The following PHF19 variants were observed in gnomAD, a reference collection of about 807,000 sequenced individuals.
PHF19 encodes the protein PHD finger protein 19.
Under a neutral mutation model 79.8 loss-of-function variants are expected in PHF19, and 21 were observed. That is an observed-to-expected ratio of 0.26 (90% CI 0.19 to 0.38). PHF19 has a LOEUF of 0.38. Among genes scored for constraint, PHF19 ranks in the 10% least tolerant of loss-of-function variants. PHF19 has a pLI of 1.00. For missense variants in PHF19, 445 were observed against 744.2 expected, an observed-to-expected ratio of 0.60 and a Z score of 4.68; for synonymous variants, 273 against 296.3, an observed-to-expected ratio of 0.92 and a Z score of 0.81.
rs1419752074 is a variant in PHF19, at chr9:120,869,969, A to G, written c.365-24T>C. The G allele has an allele frequency of 4.9e-5, 76 of 1,552,854 alleles. No homozygotes were observed. The highest frequency in any genetic ancestry group is 6.4e-5 in the Non-Finnish European group (74 of 1,148,604). On this transcript the variant is annotated intron_variant, in intron 4 of 14. Coordinates refer to ENST00000373896, the MANE Select transcript of PHF19 (RefSeq NM_015651.3). The surrounding 1 kb of genome is among the most constrained non-coding windows in gnomAD (Gnocchi z 5.8). Reference sequence around the variant, plus strand: ...ACCTACGGCAGAGGAGGGGGCGGTGAGCGCCCACAAGGACATCGTGGCCCA... The same window carrying G: ...ACCTACGGCAGAGGAGGGGGCGGTGGGCGCCCACAAGGACATCGTGGCCCA...
At chr9:120,894,898 G>A, upstream of PHF19, 1 of 819,586 alleles carries the variant, frequency 1.2e-6, no homozygotes. Context: ...CTTACTGGTA[G>A]AAGGCGTCAG....
At chr9:120,881,151 T>TG (rs1481292849), upstream of PHF19, among the ~76,000 whole-genome samples, 195 of 20,956 alleles carry the variant, frequency 9.3e-3, 15 homozygotes, top group South Asian at 0.018. Flanking sequence ...GGGGGTTTGT[T>TG]TTTTTTTTTT....
intron 1 of PHF19, among the ~76,000 whole-genome samples, chr9:120,886,543 T>C (rs1457377479): frequency 6.6e-6 from 1 of 152,230 alleles, no homozygotes; most frequent in Non-Finnish European, 1.5e-5. Flanking sequence ...GAGTCATTTA[T>C]TCACTCATCC....
At chr9:120,878,063 T>C (rs2046117253), upstream of PHF19, among the ~76,000 whole-genome samples, 1 of 152,146 alleles carries the variant, frequency 6.6e-6, no homozygotes, top group Admixed American at 6.5e-5. Flanking sequence ...TTCAGTGGGC[T>C]AACAATGCAA....
intron 6 of PHF19, among the ~76,000 whole-genome samples, 168 bp from the exon 7 acceptor site, chr9:120,867,133 A>C (rs2045727657): frequency 6.6e-6 from 1 of 152,038 alleles, no homozygotes; most frequent in Non-Finnish European, 1.5e-5. Context: ...TTGGACATAT[A>C]CTCTCATTTC....
At chr9:120,873,263 A>C (rs1400179979) in intron 3 of PHF19, among the ~76,000 whole-genome samples, 1 of 152,178 alleles carries the variant, frequency 6.6e-6, no homozygotes, top group Non-Finnish European at 1.5e-5. Flanking sequence ...TTGGGGCTCC[A>C]AGTTGAAAGT....
rs1431224102 is a variant in PHF19 at position 120,869,144 on chromosome 9, TG to T, written c.614+37del. ...TCCCTGCTGGCGATTCTTGGAGACCTGCCCTGCCGCCCGGGGGGCCCTGACC... is the reference window on the plus strand; with the variant it reads ...TCCCTGCTGGCGATTCTTGGAGACCTCCCTGCCGCCCGGGGGGCCCTGACC... On this transcript the variant is annotated intron_variant, in intron 6 of 14. Coordinates refer to ENST00000373896, the MANE Select transcript of PHF19 (RefSeq NM_015651.3). This position sits in a 1 kb window ranked among gnomAD's most constrained non-coding sequence, Gnocchi z 5.8. 1 of 1,577,446 alleles carries T rather than the reference TG, an allele frequency of 6.3e-7. No homozygotes were observed. The highest frequency in any genetic ancestry group is 1.3e-5 in the African/African-American group (1 of 74,092).
At chr9:120,882,540 C>T (rs1481254986) in intron 1 of PHF19, among the ~76,000 whole-genome samples, 1 of 152,028 alleles carries the variant, frequency 6.6e-6, no homozygotes, top group Non-Finnish European at 1.5e-5. Context: ...AACAAGTTAG[C>T]CTATATGAAA....
At chr9:120,886,271 A>G (rs1441521511) in intron 1 of PHF19, among the ~76,000 whole-genome samples, 1 of 152,230 alleles carries the variant, frequency 6.6e-6, no homozygotes, top group East Asian at 1.9e-4. Flanking sequence ...GGTCTCACCC[A>G]TGAGGCTTCG....
Position 120,874,916 on chromosome 9 carries a change from TA to T in PHF19, c.-15-161del, listed in dbSNP as rs1304769752. On this transcript the variant is annotated intron_variant, in intron 1 of 14. Transcript: ENST00000373896. The surrounding 1 kb of genome is among the most constrained non-coding windows in gnomAD (Gnocchi z 4.5). ...GACCATCCTATGAGGGAGACATTAT[TA>T]TTATTCACATCTTACAGATAGGGAA... 1.3e-5 allele frequency among the ~76,000 whole-genome samples: 2 copies of T among 152,164 alleles called. No homozygotes were observed. Among genetic ancestry groups the T allele is most frequent in the Non-Finnish European group, 2.9e-5 (2 of 68,036 alleles).
upstream of PHF19, among the ~76,000 whole-genome samples, chr9:120,897,821 T>C (rs1223762743): frequency 6.6e-6 from 1 of 150,892 alleles, no homozygotes. Context: ...TCTGCAAAAA[T>C]ACAAAAAATG....
At chr9:120,872,299 G>C (rs1231371137) in intron 3 of PHF19, among the ~76,000 whole-genome samples, 1 of 152,186 alleles carries the variant, frequency 6.6e-6, no homozygotes, top group African/African-American at 2.4e-5. Flanking sequence ...CTCATCTCAG[G>C]AGATGCTAGA....
At position 120,858,055 on chromosome 9, in the gene PHF19, A is replaced by C. The variant is rs770288438; in HGVS notation, c.1632T>G (p.Gly544=). Reference sequence around the variant, plus strand: ...CCCCACAGGCCAACCGCCCAGCTGCACCAAAGTAGTTGGTGATAGATGACT... The same window carrying C: ...CCCCACAGGCCAACCGCCCAGCTGCCCCAAAGTAGTTGGTGATAGATGACT... ...HLKSSITNYF[G]AAGRLACGEK... The change falls in exon 15 of 15, where the codon GGT becomes GGG. Residue 544 remains glycine (G), a synonymous_variant. Transcript: ENST00000373896. 15 of 1,614,182 alleles carry C rather than the reference A, an allele frequency of 9.3e-6. No individual in the cohort carries two copies. Among genetic ancestry groups the C allele is most frequent in the Non-Finnish European group, 1.2e-5 (14 of 1,179,994 alleles).
chr9:120,886,251 T>A (rs1304796964), intron 1 of PHF19, among the ~76,000 whole-genome samples: 1 of 152,214 alleles, frequency 6.6e-6, no homozygotes, highest in Admixed American at 6.5e-5. Flanking sequence ...GTTCTAACCA[T>A]CGGGGTCTGG....
intron 9 of PHF19, among the ~76,000 whole-genome samples, chr9:120,864,665 A>G (rs1355158525): frequency 6.6e-6 from 1 of 152,266 alleles, no homozygotes; most frequent in Non-Finnish European, 1.5e-5. Context: ...CCTGGGCGAC[A>G]GAGGGAGACT....
chr9:120,893,609 C>A (rs183755105), intron 1 of PHF19, among the ~76,000 whole-genome samples: 1 of 152,210 alleles, frequency 6.6e-6, no homozygotes, highest in Non-Finnish European at 1.5e-5. Flanking sequence ...CATCTTTGAA[C>A]GGTTCCTTGA....
chr9:120,868,325 C>A (rs924905055), intron 6 of PHF19: 1 of 152,296 alleles, frequency 6.6e-6, no homozygotes, highest in Non-Finnish European at 1.5e-5. Flanking sequence ...TTAGTACCAC[C>A]ACTACCACCA....
the PHF19 span, chr9:120,902,520 G>A: frequency 6.9e-6 from 1 of 144,958 alleles, no homozygotes; most frequent in Non-Finnish European, 1.5e-5. Flanking sequence ...GTGGGGGGGG[G>A]GGCGGTGGGC....
chr9:120,870,059 C>A lies in PHF19; in HGVS notation c.365-114G>T. On this transcript the variant is annotated intron_variant, in intron 4 of 14. Coordinates refer to ENST00000373896, the MANE Select transcript of PHF19 (RefSeq NM_015651.3). This position sits in a 1 kb window ranked among gnomAD's most constrained non-coding sequence, Gnocchi z 4.4. ...AGGGAAGTCCTAGGAGCTCTGCCTG[C>A]CAGCTGCCGGGAGCCTGGCTGCTGG... The A allele has an allele frequency of 6.9e-7, 1 of 1,445,316 alleles. No individual in the cohort carries two copies. The highest frequency in any genetic ancestry group is 1.4e-5 in the South Asian group (1 of 73,556). The allele number at this position is 1,445,316 out of a possible 1,614,324, so 89.5% of individuals were successfully genotyped here.
Sources: allele counts gnomAD v4.1 joint callset (sites outside exome capture counted in the v4.1 genomes callset), GRCh38; gene constraint gnomAD v4.1.1; non-coding constraint Gnocchi (gnomAD v3.1); transcripts MANE v1.5; gene names NCBI Gene and HGNC (gene_info 2026-07-23, HGNC 2026-07-21).